Variants in ARSG observed in about 807,000 individuals in gnomAD.
ARSG encodes the protein ASG.
In ARSG, 37 loss-of-function variants were observed where a neutral mutation model predicts 50.5. The ratio of observed to expected loss-of-function variants is 0.73; its 90% CI spans 0.56 to 0.96. The LOEUF (loss-of-function observed/expected upper bound fraction) is 0.96, where lower values mean the gene tolerates loss of function less well. ARSG is among the 50% of genes least tolerant of loss of function. ARSG has a pLI of 0.00. For missense variants in ARSG, 629 were observed against 675.3 expected (o/e 0.93, Z 0.76); for synonymous variants, 225 against 254.6 (o/e 0.88, Z 1.11).
At chr17:68,306,066 G>A (rs190501041) in intron 1 of ARSG, among the ~76,000 whole-genome samples, 55 of 151,692 alleles carry the variant, frequency 3.6e-4, no homozygotes, top group African/African-American at 8.5e-4. Flanking sequence ...GCAGTGGTGC[G>A]ATCTCAGCTC....
chr17:68,327,512 G>A (rs1555772896), intron 2 of ARSG, among the ~76,000 whole-genome samples: 1 of 151,938 alleles, frequency 6.6e-6, no homozygotes, highest in African/African-American at 2.4e-5. Flanking sequence ...TCTTCACATG[G>A]CCATCTTCCC....
intron 1 of ARSG, among the ~76,000 whole-genome samples, chr17:68,279,170 A>C (rs2075617374): frequency 2.0e-5 from 3 of 152,126 alleles, no homozygotes; most frequent in African/African-American, 7.2e-5. Flanking sequence ...TGAATTGACC[A>C]TAAGGAATGT....
At chr17:68,398,219 T>C (rs1414012124) in intron 10 of ARSG, among the ~76,000 whole-genome samples, 5 of 152,214 alleles carry the variant, frequency 3.3e-5, no homozygotes, top group African/African-American at 1.2e-4. Context: ...AACATACATA[T>C]GCATGCTTAT....
Position 68,364,091 on chromosome 17 carries a change from C to T in ARSG, c.705-4457C>T, listed in dbSNP as rs1442716203. On this transcript the variant is annotated intron_variant, in intron 6 of 11. Transcript: ENST00000621439. The stretch of plus-strand genomic sequence containing the variant: ...ATGGGTGCCTCTCACCTGCCCTCTT[C>T]CATTTCGGATCAGATGATTTTCCCC... Among the ~76,000 whole-genome samples the T allele has an allele frequency of 2.0e-5, 3 of 152,142 alleles. No homozygotes were observed. In the South Asian group the frequency reaches 6.2e-4, roughly 32 times the overall value.
At chr17:68,419,017 CAAA>C (rs3072871) in intron 11 of ARSG, among the ~76,000 whole-genome samples, 5 of 112,936 alleles carry the variant, frequency 4.4e-5, no homozygotes, top group Admixed American at 9.7e-5. Context: ...ATAGCAAAGC[CAAA>C]AAAAAAAAAA....
chr17:68,260,595 C>T (rs144723231), intron 1 of ARSG, among the ~76,000 whole-genome samples: 2,145 of 152,312 alleles, frequency 0.014, 29 homozygotes, highest in Non-Finnish European at 0.023. Flanking sequence ...TCAAGTGGTC[C>T]TCCCACCTCA....
chr17:68,436,107 A>T, the ARSG span, among the ~76,000 whole-genome samples: 1 of 152,268 alleles, frequency 6.6e-6, no homozygotes, highest in Non-Finnish European at 1.5e-5. Context: ...GGCATGGGAC[A>T]GGGTGACACA....
intron 10 of ARSG, among the ~76,000 whole-genome samples, chr17:68,398,495 T>G (rs551761201): frequency 6.6e-6 from 1 of 152,322 alleles, no homozygotes; most frequent in Non-Finnish European, 1.5e-5. Context: ...TATTTTAAAA[T>G]AAGCACAATT....
At position 68,381,082 on chromosome 17, in the gene ARSG, C is replaced by G. The variant is rs2080408536; in HGVS notation, c.983-3982C>G. 6.6e-6 allele frequency among the ~76,000 whole-genome samples: 1 copy of G among 152,154 alleles called. No individual in the cohort carries two copies. Among genetic ancestry groups the G allele is most frequent in the South Asian group, 2.1e-4 (1 of 4,832 alleles). Reference sequence around the variant, plus strand: ...TTAGATGAGATCTCATCTGGTGATTCTCTTGTATGGAGAAATTTGCGAATT... The same window carrying G: ...TTAGATGAGATCTCATCTGGTGATTGTCTTGTATGGAGAAATTTGCGAATT... On this transcript the variant is annotated intron_variant, in intron 8 of 11. Transcript: ENST00000621439. The surrounding 1 kb of genome is among the most constrained non-coding windows in gnomAD (Gnocchi z 4.1).
At chr17:68,336,087 CG>C (rs1374484845) in intron 2 of ARSG, among the ~76,000 whole-genome samples, 2 of 151,402 alleles carry the variant, frequency 1.3e-5, no homozygotes, top group African/African-American at 4.9e-5. Flanking sequence ...TTAGTAGAGA[CG>C]GGGTTTCACT....
At chr17:68,303,278 C>A (rs193119037) in intron 1 of ARSG, among the ~76,000 whole-genome samples, 1 of 152,174 alleles carries the variant, frequency 6.6e-6, no homozygotes, top group East Asian at 1.9e-4. Flanking sequence ...ATGTACACCA[C>A]CATGCGTGGC....
chr17:68,266,439 T>TATAAAAAGTATATATATGTATATATATAC (rs2075165402), intron 1 of ARSG, among the ~76,000 whole-genome samples: 1 of 40,354 alleles, frequency 2.5e-5, no homozygotes, highest in Non-Finnish European at 4.3e-5. Context: ...TATATATACT[T>TATAAAAAGTATATATATGTATATATATAC]TTTTTTGTAT....
At chr17:68,340,242 A>G (rs2078207335) in intron 2 of ARSG, among the ~76,000 whole-genome samples, 1 of 151,976 alleles carries the variant, frequency 6.6e-6, no homozygotes, top group Admixed American at 6.6e-5. Flanking sequence ...GGACTAATGG[A>G]TTTTTATTTA....
chr17:68,335,790 G>A (rs945014239), intron 2 of ARSG, among the ~76,000 whole-genome samples: 5 of 152,208 alleles, frequency 3.3e-5, no homozygotes, highest in African/African-American at 7.2e-5. Flanking sequence ...GGAGAACAGC[G>A]TGTGCGAAGG....
intron 1 of ARSG, among the ~76,000 whole-genome samples, chr17:68,264,803 G>C (rs2075126320): frequency 6.6e-6 from 1 of 151,904 alleles, no homozygotes; most frequent in South Asian, 2.1e-4. Flanking sequence ...GGTTTATACT[G>C]AAACCTCTTG....
downstream of ARSG, chr17:68,421,318 G>A (rs939953229): frequency 6.3e-5 from 10 of 158,996 alleles, no homozygotes; most frequent in Admixed American, 6.1e-4. Context: ...TCCAAAATGG[G>A]ACTCCCAAGT....
chr17:68,397,434 G>A (rs2081293322), intron 10 of ARSG, among the ~76,000 whole-genome samples: 1 of 152,210 alleles, frequency 6.6e-6, no homozygotes, highest in African/African-American at 2.4e-5. Context: ...TGCAGTGTCA[G>A]TGAAGACACT....
intron 2 of ARSG, among the ~76,000 whole-genome samples, chr17:68,342,111 C>T (rs748300505): frequency 6.6e-5 from 10 of 152,004 alleles, no homozygotes; most frequent in East Asian, 1.9e-4. Flanking sequence ...TGAACCACTA[C>T]GCCCGACCTC....
chr17:68,436,370 C>T, the ARSG span: 2 of 1,612,972 alleles, frequency 1.2e-6, no homozygotes, highest in Non-Finnish European at 1.7e-6. Flanking sequence ...AGCCAGGTCA[C>T]CGTCAACTTA....
Sources: gnomAD v4.1 joint callset for allele counts (sites outside exome capture counted in the v4.1 genomes callset) on GRCh38, gnomAD v4.1.1 for gene constraint, Gnocchi (gnomAD v3.1) non-coding constraint, MANE v1.5 for transcripts, NCBI Gene and HGNC (gene_info 2026-07-23, HGNC 2026-07-21) for gene names.